Variants in TRIP11 observed in about 807,000 individuals in gnomAD.
The protein encoded by TRIP11 is thyroid receptor-interacting protein 11.
Under a neutral mutation model 223.1 loss-of-function variants are expected in TRIP11, and 148 were observed. That is an observed-to-expected ratio of 0.66 (90% confidence interval 0.58 to 0.76). TRIP11 has a LOEUF of 0.76. Among genes scored for constraint, TRIP11 ranks in the 30% least tolerant of loss-of-function variants. The pLI, the probability that TRIP11 is intolerant of heterozygous loss-of-function variation, is 0.00. For synonymous variants in TRIP11, 762 were observed against 772.6 expected, an observed-to-expected ratio of 0.99 and a Z score of 0.23; for missense variants, 2,043 against 2,222.0, an observed-to-expected ratio of 0.92 and a Z score of 1.62.
chr14:92,035,581 A>ATTTT (rs200927283), intron 1 of TRIP11, among the ~76,000 whole-genome samples: 98 of 117,990 alleles, frequency 8.3e-4, no homozygotes, highest in South Asian at 3.0e-3. Context: ...TTATTTATTT[A>ATTTT]TTTATTTTTT....
chr14:92,039,227 A>C (rs1412666425), intron 1 of TRIP11, among the ~76,000 whole-genome samples: 3 of 152,210 alleles, frequency 2.0e-5, no homozygotes, highest in Non-Finnish European at 2.9e-5. Flanking sequence ...ATCAGCCCCC[A>C]AACTGAGGGC....
intron 18 of TRIP11, 124 bp from the exon 19 acceptor site, chr14:91,974,867 G>T: frequency 2.5e-6 from 2 of 806,894 alleles, no homozygotes; most frequent in Non-Finnish European, 4.1e-6. Flanking sequence ...CCTAGTAAAT[G>T]TTTCCTACTG....
chr14:91,998,302 A>C (rs1480576947), intron 13 of TRIP11, among the ~76,000 whole-genome samples: 1 of 152,194 alleles, frequency 6.6e-6, no homozygotes, highest in Non-Finnish European at 1.5e-5. Context: ...TCCGTTTCTC[A>C]AAACTTACCC....
chr14:92,011,869 A>T, intron 7 of TRIP11, 74 bp from the exon 8 acceptor site: 1 of 1,377,028 alleles, frequency 7.3e-7, no homozygotes, highest in African/African-American at 1.4e-5. Flanking sequence ...TAAACTCAGA[A>T]ATGCAACCCA....
chr14:92,027,013 G>A (rs2057197920), intron 2 of TRIP11: 2 of 651,412 alleles, frequency 3.1e-6, no homozygotes, highest in Non-Finnish European at 2.7e-6. Context: ...ACCGTGGGCA[G>A]TGCCACCAGC....
intron 1 of TRIP11, among the ~76,000 whole-genome samples, chr14:92,035,243 C>G (rs1310938112): frequency 6.6e-6 from 1 of 151,704 alleles, no homozygotes; most frequent in African/African-American, 2.4e-5. Context: ...ATTGCTTGAA[C>G]TGGGGAGGCA....
chr14:92,039,995 G>C lies in TRIP11; in HGVS notation c.-310C>G, dbSNP rs1425505564. ...AGCTCTAATGACTTTCCTCAGTTCC[G>C]TGGGTTACTCCTGCCAACTCGACGC... On this transcript the variant is annotated 5_prime_UTR_variant, in exon 1 of 21. Coordinates refer to ENST00000267622, the MANE Select transcript of TRIP11 (RefSeq NM_004239.4). The C allele has an allele frequency of 2.3e-5, 11 of 473,302 alleles. No homozygotes were observed. The highest frequency in any genetic ancestry group is 3.9e-5 in the Non-Finnish European group (10 of 257,602). The allele number at this position is 473,302 out of a possible 1,614,324, so 29.3% of individuals were successfully genotyped here.
chr14:92,027,931 C>G (rs1485273620), intron 2 of TRIP11, among the ~76,000 whole-genome samples: 1 of 152,144 alleles, frequency 6.6e-6, no homozygotes, highest in Non-Finnish European at 1.5e-5. Flanking sequence ...GGACTCTATC[C>G]CCAGAAATCT....
chr14:92,008,244 G>A (rs1351747305), intron 9 of TRIP11, among the ~76,000 whole-genome samples: 1 of 152,092 alleles, frequency 6.6e-6, no homozygotes, highest in Non-Finnish European at 1.5e-5. Flanking sequence ...AAGTCTTTCT[G>A]CCTTCCTCAC....
intron 9 of TRIP11, among the ~76,000 whole-genome samples, 189 bp from the exon 10 acceptor site, chr14:92,008,041 T>A (rs1192525412): frequency 6.6e-6 from 1 of 152,208 alleles, no homozygotes; most frequent in Non-Finnish European, 1.5e-5. Flanking sequence ...GCAATTTTAC[T>A]TGTAGCTTCA....
At chr14:91,995,315 A>C (rs970345530) in intron 14 of TRIP11, 37 bp downstream of exon 14, 2 of 1,611,396 alleles carry the variant, frequency 1.2e-6, no homozygotes, top group Non-Finnish European at 1.7e-6. Context: ...CAATAACTAC[A>C]ATTTTTCTTC....
chr14:91,975,084 A>G (rs2056447057), intron 18 of TRIP11, 88 bp downstream of exon 18: 2 of 1,220,030 alleles, frequency 1.6e-6, no homozygotes, highest in African/African-American at 1.5e-5. Context: ...CACTCAGTAA[A>G]AGTTACATAC....
Position 91,976,112 on chromosome 14 carries a change from C to A in TRIP11, c.5338G>T (p.Asp1780Tyr), listed in dbSNP as rs762123051. Residue 1780 changes from aspartate (D) to tyrosine (Y), a missense_variant, in exon 17 of 21, where the codon GAC becomes TAC. Transcript: ENST00000267622. ...SLANSSEGKVDKVLMRNLFIG... is the reference protein window; with the variant it reads ...SLANSSEGKVYKVLMRNLFIG... ...CATTAAAAGCAAAAAGCATACTTGTCTACTTTTCCTTCTGAGCTGTTTGCT... is the reference window on the plus strand; with the variant it reads ...CATTAAAAGCAAAAAGCATACTTGTATACTTTTCCTTCTGAGCTGTTTGCT... The A allele has an allele frequency of 8.1e-6, 13 of 1,611,512 alleles. No homozygotes were observed. The highest frequency in any genetic ancestry group is 1.0e-5 in the Non-Finnish European group (12 of 1,179,366).
At position 92,025,330 on chromosome 14, in the gene TRIP11, T is replaced by G; in HGVS notation, c.292A>C (p.Asn98His). 6.2e-7 allele frequency: 1 copy of G among 1,613,518 alleles called. No homozygotes were observed. Among genetic ancestry groups the G allele is most frequent in the Non-Finnish European group, 8.5e-7 (1 of 1,179,744 alleles). Residue 98 changes from asparagine (N) to histidine (H), a missense_variant, in exon 3 of 21, where the codon AAT becomes CAT. Coordinates refer to ENST00000267622, the MANE Select transcript of TRIP11 (RefSeq NM_004239.4). ...QIKQQSTSYR[N>H]QLQQKEVEIS... ...TTTACCTCTTTTTGTTGAAGTTGAT[T>G]TCGGTAACTTGTAGATTGCTGCTTT...
intron 15 of TRIP11, among the ~76,000 whole-genome samples, chr14:91,990,037 A>C (rs1371370043): frequency 6.6e-6 from 1 of 152,130 alleles, no homozygotes; most frequent in Non-Finnish European, 1.5e-5. Flanking sequence ...TTGCTTATCC[A>C]GCGGCTGCAA....
intron 4 of TRIP11, 86 bp downstream of exon 4, chr14:92,021,470 A>G (rs1030762404): frequency 1.5e-6 from 2 of 1,336,620 alleles, no homozygotes; most frequent in Non-Finnish European, 2.1e-6. Context: ...GTTCTTTCTG[A>G]TATCAAAAGC....
chr14:92,031,816 T>C (rs983836138), intron 2 of TRIP11, among the ~76,000 whole-genome samples: 2 of 152,150 alleles, frequency 1.3e-5, no homozygotes, highest in Non-Finnish European at 2.9e-5. Context: ...TATTAAAATG[T>C]CTTTTTCTTT....
Position 91,988,333 on chromosome 14 carries a change from T to C in TRIP11, c.5211A>G (p.Thr1737=), listed in dbSNP as rs760945439. 1 of 1,613,746 alleles carries C rather than the reference T, an allele frequency of 6.2e-7. No homozygotes were observed. Among genetic ancestry groups the C allele is most frequent in the African/African-American group, 1.3e-5 (1 of 74,930 alleles). The change falls in exon 16 of 21, where the codon ACA becomes ACG. Residue 1737 remains threonine (T), a synonymous_variant. Transcript: ENST00000267622. ...GTTCTTCTTTTACATCTAACTGTTC[T>C]GTAAGTCTTGATGCTGAATCCAATG... ...NAALDSASRL[T]EQLDVKEEQI...
chr14:91,982,611 A>G (rs1481751586), intron 16 of TRIP11, among the ~76,000 whole-genome samples: 1 of 152,216 alleles, frequency 6.6e-6, no homozygotes, highest in African/African-American at 2.4e-5. Context: ...CCTTGAATCC[A>G]CAAGTTGAAA....
Sources: allele counts gnomAD v4.1 joint callset (sites outside exome capture counted in the v4.1 genomes callset), GRCh38; gene constraint gnomAD v4.1.1; transcripts MANE v1.5; gene names NCBI Gene and HGNC (gene_info 2026-07-23, HGNC 2026-07-21).